Variants in FBXW7 observed in about 807,000 individuals in gnomAD.
FBXW7 encodes the protein F-box and WD repeat domain containing 7.
A neutral mutation model predicts 86.3 loss-of-function variants in FBXW7; 11 were observed. That is an observed-to-expected ratio of 0.13 (90% CI 0.08 to 0.21). FBXW7 has a LOEUF of 0.21. FBXW7 is among the 10% of genes least tolerant of loss of function. The pLI is 1.00. For synonymous variants in FBXW7, 313 were observed against 297.9 expected (o/e 1.05, Z -0.52); for missense variants, 488 against 847.4 (o/e 0.58, Z 5.27).
At chr4:152,522,474 A>C (rs1749113083) in intron 2 of FBXW7, among the ~76,000 whole-genome samples, 1 of 152,192 alleles carries the variant, frequency 6.6e-6, no homozygotes, top group Admixed American at 6.5e-5. Flanking sequence ...ATGTATACAG[A>C]ATCTAACTGG....
chr4:152,360,030 T>C (rs1732783519), intron 4 of FBXW7, among the ~76,000 whole-genome samples: 1 of 152,214 alleles, frequency 6.6e-6, no homozygotes, highest in Admixed American at 6.5e-5. Flanking sequence ...ACAGCATCTA[T>C]TAGACTTCTA....
At chr4:152,379,564 G>C (rs1000922574) in intron 4 of FBXW7, among the ~76,000 whole-genome samples, 9 of 151,958 alleles carry the variant, frequency 5.9e-5, no homozygotes, top group African/African-American at 2.2e-4. Flanking sequence ...TGTCACCCAA[G>C]CTGGAGTGCA....
At chr4:152,507,734 T>C (rs890698013) in intron 2 of FBXW7, among the ~76,000 whole-genome samples, 13 of 152,054 alleles carry the variant, frequency 8.5e-5, no homozygotes, top group African/African-American at 2.9e-4. Context: ...AAGAAGAGAC[T>C]AGAACATTTT....
At chr4:152,488,290 A>G (rs1745533810) in intron 2 of FBXW7, among the ~76,000 whole-genome samples, 1 of 152,048 alleles carries the variant, frequency 6.6e-6, no homozygotes, top group South Asian at 2.1e-4. Context: ...GTTCTTCATC[A>G]TGTTCCTTAA....
chr4:152,476,554 C>T (rs895896394), intron 2 of FBXW7, among the ~76,000 whole-genome samples: 3 of 152,136 alleles, frequency 2.0e-5, no homozygotes, highest in Admixed American at 1.3e-4. Context: ...GCAAATCACA[C>T]ATCTGACAAA....
At chr4:152,472,061 T>C (rs981325347) in intron 2 of FBXW7, among the ~76,000 whole-genome samples, 4 of 152,090 alleles carry the variant, frequency 2.6e-5, no homozygotes, top group South Asian at 2.1e-4. Flanking sequence ...ATTTTTAAGA[T>C]AGGCTAAAGA....
chr4:152,391,247 T>TA, intron 4 of FBXW7, among the ~76,000 whole-genome samples: 1 of 152,110 alleles, frequency 6.6e-6, no homozygotes, highest in East Asian at 1.9e-4. Context: ...CAATAGAAAA[T>TA]ACATATTTAG....
chr4:152,332,447 T>C, intron 8 of FBXW7, 149 bp downstream of exon 8: 1 of 627,390 alleles, frequency 1.6e-6, no homozygotes, highest in Non-Finnish European at 2.3e-6. Context: ...AGGGGTTAGC[T>C]GTTAAGATTC....
chr4:152,494,353 C>G (rs1746117449), intron 2 of FBXW7, among the ~76,000 whole-genome samples: 1 of 152,118 alleles, frequency 6.6e-6, no homozygotes, highest in Admixed American at 6.5e-5. Flanking sequence ...TGTTGGAGGT[C>G]TGAGGAGAAC....
chr4:152,412,153 CATA>C (rs1738024675), intron 3 of FBXW7, among the ~76,000 whole-genome samples: 4 of 151,956 alleles, frequency 2.6e-5, no homozygotes, highest in African/African-American at 4.8e-5. Context: ...ACCAATAAAA[CATA>C]ATATTTCAAG....
chr4:152,392,517 A>C (rs1418374158), intron 4 of FBXW7, among the ~76,000 whole-genome samples: 1 of 152,092 alleles, frequency 6.6e-6, no homozygotes. Flanking sequence ...CTAGACCCCC[A>C]CTTTTGCACC....
intron 2 of FBXW7, among the ~76,000 whole-genome samples, chr4:152,454,670 C>T (rs990778270): frequency 1.3e-5 from 2 of 152,078 alleles, no homozygotes; most frequent in African/African-American, 4.8e-5. Flanking sequence ...TAAACACTGA[C>T]TTTCAACTTG....
At chr4:152,323,559 T>C (rs1728732727) in intron 13 of FBXW7, 1 of 188,064 alleles carries the variant, frequency 5.3e-6, no homozygotes, top group South Asian at 1.1e-4. Flanking sequence ...TCCAAAACTC[T>C]GAGGAGAGAC....
intron 2 of FBXW7, among the ~76,000 whole-genome samples, chr4:152,485,069 A>C (rs1007786632): frequency 2.0e-5 from 3 of 152,068 alleles, no homozygotes; most frequent in African/African-American, 7.2e-5. Context: ...AATACCAAAA[A>C]GACTGGGAAA....
intron 2 of FBXW7, among the ~76,000 whole-genome samples, chr4:152,426,289 T>C (rs1325330493): frequency 6.6e-6 from 1 of 151,544 alleles, no homozygotes. Context: ...CTAGTTGGAG[T>C]TCCAGAAAGA....
intron 4 of FBXW7, among the ~76,000 whole-genome samples, chr4:152,360,670 C>G (rs140103272): frequency 0.022 from 3,304 of 152,008 alleles, 55 homozygotes; most frequent in Middle Eastern, 0.058. Context: ...TCATCAGGTA[C>G]AGAGCTAGGT....
intron 2 of FBXW7, among the ~76,000 whole-genome samples, chr4:152,490,771 G>GCAT (rs1360942038): frequency 6.6e-6 from 1 of 152,002 alleles, no homozygotes; most frequent in African/African-American, 2.4e-5. Context: ...CATGTTTAAT[G>GCAT]GTATAATTAT....
At chr4:152,509,060 A>G (rs1747717259) in intron 2 of FBXW7, among the ~76,000 whole-genome samples, 1 of 152,238 alleles carries the variant, frequency 6.6e-6, no homozygotes, top group Non-Finnish European at 1.5e-5. Flanking sequence ...TACTCTTCCA[A>G]AGTATAACAG....
chr4:152,462,522 T>A (rs922090848), intron 2 of FBXW7, among the ~76,000 whole-genome samples: 4 of 152,326 alleles, frequency 2.6e-5, no homozygotes, highest in African/African-American at 9.6e-5. Context: ...ATGATTCCCC[T>A]GAGTAAATTT....
Sources: gnomAD v4.1 joint callset for allele counts (sites outside exome capture counted in the v4.1 genomes callset) on GRCh38, gnomAD v4.1.1 for gene constraint, MANE v1.5 for transcripts, NCBI Gene and HGNC (gene_info 2026-07-23, HGNC 2026-07-21) for gene names.